The following FHIT variants were observed in gnomAD, a reference collection of about 807,000 sequenced individuals.
FHIT encodes bis(5'-adenosyl)-triphosphatase.
Under a neutral mutation model 17.9 loss-of-function variants are expected in FHIT, and 19 were observed. The observed-to-expected ratio is 1.06, with a 90% CI of 0.74 to 1.56. The LOEUF (loss-of-function observed/expected upper bound fraction) is 1.56. FHIT is among the 40% of genes most tolerant of loss of function. The pLI is 0.00. For missense variants in FHIT, 248 were observed against 189.2 expected (o/e 1.31, Z -1.82); for synonymous variants, 81 against 69.7 (o/e 1.16, Z -0.81).
intron 4 of FHIT, among the ~76,000 whole-genome samples, chr3:60,668,616 C>CA (rs1265414551): frequency 7.5e-6 from 1 of 132,734 alleles, no homozygotes; most frequent in Non-Finnish European, 1.5e-5. Flanking sequence ...GGCTGGAGTG[C>CA]AGTGGCACGA....
intron 5 of FHIT, among the ~76,000 whole-genome samples, chr3:60,040,250 A>G (rs1490369267): frequency 1.3e-5 from 2 of 152,060 alleles, no homozygotes; most frequent in East Asian, 1.9e-4. Flanking sequence ...GGCTCAAGCA[A>G]TTCTCCTGCT....
chr3:60,742,790 T>C (rs1448630656), intron 4 of FHIT, among the ~76,000 whole-genome samples: 1 of 152,206 alleles, frequency 6.6e-6, no homozygotes, highest in Non-Finnish European at 1.5e-5. Flanking sequence ...TATGGACTGT[T>C]CTGTAGCGCT....
chr3:60,218,139 ACTT>A (rs1171433004), intron 5 of FHIT, among the ~76,000 whole-genome samples: 1 of 152,134 alleles, frequency 6.6e-6, no homozygotes, highest in East Asian at 1.9e-4. Flanking sequence ...CATAAACAAA[ACTT>A]CTTTCGGTCG....
chr3:60,894,480 T>C (rs1396284023), intron 3 of FHIT, among the ~76,000 whole-genome samples: 1 of 152,106 alleles, frequency 6.6e-6, no homozygotes, highest in African/African-American at 2.4e-5. Context: ...GTGAAAGGAT[T>C]TTTTAGTCAA....
At position 59,809,649 on chromosome 3, in the gene FHIT, C is replaced by T. The variant is rs1398955327; in HGVS notation, c.349-57328G>A. 4.6e-5 allele frequency among the ~76,000 whole-genome samples: 7 copies of T among 152,288 alleles called. No individual in the cohort carries two copies. The East Asian group carries it at 1.4e-3, about 29-fold the overall frequency. On this transcript the variant is annotated intron_variant, in intron 8 of 9. Coordinates refer to ENST00000492590, the MANE Select transcript of FHIT (RefSeq NM_002012.4). Reference sequence around the variant, plus strand: ...CAACTTCTGAACACGGGTTTAGAAACAAATAGGGTCTGATTTCACTGATTT... The same window carrying T: ...CAACTTCTGAACACGGGTTTAGAAATAAATAGGGTCTGATTTCACTGATTT...
intron 5 of FHIT, among the ~76,000 whole-genome samples, chr3:60,327,986 A>C (rs1178698311): frequency 6.6e-6 from 1 of 152,166 alleles, no homozygotes; most frequent in African/African-American, 2.4e-5. Context: ...GCCCTGTGAG[A>C]GCTAAAACAT....
chr3:60,644,820 C>T (rs1330165777), intron 4 of FHIT, among the ~76,000 whole-genome samples: 1 of 152,188 alleles, frequency 6.6e-6, no homozygotes, highest in African/African-American at 2.4e-5. Flanking sequence ...GACTGAAAGC[C>T]TCCAGATCAC....
intron 5 of FHIT, among the ~76,000 whole-genome samples, chr3:60,498,159 T>C (rs945939489): frequency 6.6e-6 from 1 of 152,182 alleles, no homozygotes; most frequent in Non-Finnish European, 1.5e-5. Flanking sequence ...AACACCAAGA[T>C]GGACAGCAAA....
intron 5 of FHIT, among the ~76,000 whole-genome samples, chr3:60,074,100 G>A (rs1353674085): frequency 6.6e-6 from 1 of 151,984 alleles, no homozygotes; most frequent in Non-Finnish European, 1.5e-5. Flanking sequence ...TTTTTGCTGG[G>A]TCTTGGAGGG....
intron 4 of FHIT, among the ~76,000 whole-genome samples, chr3:60,687,835 T>A (rs2040892722): frequency 6.6e-6 from 1 of 152,164 alleles, no homozygotes; most frequent in Non-Finnish European, 1.5e-5. Context: ...TTGAGGCTGT[T>A]ACCAAGTCAA....
At chr3:60,109,423 C>A (rs574901478) in intron 5 of FHIT, among the ~76,000 whole-genome samples, 1 of 148,962 alleles carries the variant, frequency 6.7e-6, no homozygotes, top group East Asian at 2.3e-4. Context: ...ATAAGTGAGT[C>A]TTAGGGAACG....
At chr3:59,862,815 C>T (rs930696901) in intron 8 of FHIT, among the ~76,000 whole-genome samples, 9 of 152,132 alleles carry the variant, frequency 5.9e-5, no homozygotes, top group African/African-American at 1.4e-4. Flanking sequence ...ACTATAGATA[C>T]GTTTCCCAGT....
chr3:60,318,642 C>T (rs929369533), intron 5 of FHIT, among the ~76,000 whole-genome samples: 3 of 152,060 alleles, frequency 2.0e-5, no homozygotes, highest in African/African-American at 4.8e-5. Flanking sequence ...AACTTGACTC[C>T]GAGTCAGCAG....
intron 3 of FHIT, among the ~76,000 whole-genome samples, chr3:60,905,479 T>C (rs536274774): frequency 6.6e-6 from 1 of 152,312 alleles, no homozygotes; most frequent in African/African-American, 2.4e-5. Context: ...AGTTACAGCA[T>C]TCACCCTGAA....
At chr3:60,087,926 G>A (rs6801817) in intron 5 of FHIT, among the ~76,000 whole-genome samples, 65,494 of 151,816 alleles carry the variant, frequency 0.43, 14,668 homozygotes, top group Middle Eastern at 0.65. Flanking sequence ...ATTTTGTATC[G>A]CTACAAAGGT....
In FHIT at chr3:60,483,133, G is replaced by A. The variant is rs866961276; in HGVS notation, c.103+53727C>T. 1.1e-4 allele frequency among the ~76,000 whole-genome samples: 17 copies of A among 152,130 alleles called. 1 individual carries two copies. The highest frequency in any genetic ancestry group is 3.6e-4 in the African/African-American group (15 of 41,524). On this transcript the variant is annotated intron_variant, in intron 5 of 9. Transcript: ENST00000492590. ...CCCCTCCCAAGACTAAACCAGGAAG[G>A]AGTTGAATCCTTGAACAGACCAATA...
At chr3:60,558,950 T>A (rs941121469) in intron 4 of FHIT, among the ~76,000 whole-genome samples, 2 of 152,166 alleles carry the variant, frequency 1.3e-5, no homozygotes, top group Non-Finnish European at 2.9e-5. Context: ...TCTTCCAGAA[T>A]CTTGACTCTT....
intron 5 of FHIT, among the ~76,000 whole-genome samples, chr3:60,086,479 G>A (rs9833389): frequency 0.94 from 142,392 of 152,290 alleles, 66,613 homozygotes; most frequent in East Asian, 0.98. Context: ...TTTAAAGTCC[G>A]AAGTCTCATC....
At chr3:60,352,242 AC>A (rs1176052967) in intron 5 of FHIT, among the ~76,000 whole-genome samples, 3 of 152,212 alleles carry the variant, frequency 2.0e-5, no homozygotes, top group African/African-American at 7.2e-5. Flanking sequence ...GATGATGCAG[AC>A]AAAAATATGC....
Sources: allele counts gnomAD v4.1 joint callset (sites outside exome capture counted in the v4.1 genomes callset), GRCh38; gene constraint gnomAD v4.1.1; transcripts MANE v1.5; gene names NCBI Gene and HGNC (gene_info 2026-07-23, HGNC 2026-07-21).